The following CORIN variants were observed in gnomAD, a reference collection of about 807,000 sequenced individuals.
The protein encoded by CORIN is corin, serine peptidase.
A neutral mutation model predicts 125.3 loss-of-function variants in CORIN; 117 were observed. That is an observed-to-expected ratio of 0.93 (90% CI 0.80 to 1.09). The LOEUF is 1.09. CORIN is among the 50% of genes least tolerant of loss of function. CORIN has a pLI of 0.00. For missense variants in CORIN, 1,253 were observed against 1,306.7 expected, an observed-to-expected ratio of 0.96 and a Z score of 0.63; for synonymous variants, 450 against 466.4, an observed-to-expected ratio of 0.96 and a Z score of 0.45.
intron 4 of CORIN, among the ~76,000 whole-genome samples, chr4:47,747,343 C>A (rs1401784831): frequency 2.0e-5 from 3 of 152,026 alleles, no homozygotes; most frequent in African/African-American, 7.2e-5. Context: ...GCAATGGAAT[C>A]TCTAACTGAT....
intron 1 of CORIN, among the ~76,000 whole-genome samples, chr4:47,834,964 C>T (rs865916213): frequency 6.6e-6 from 1 of 152,156 alleles, no homozygotes; most frequent in Non-Finnish European, 1.5e-5. Context: ...CAGAGCCTTG[C>T]GGTTCTTAAG....
chr4:47,664,103 G>C (rs576571523), intron 11 of CORIN, among the ~76,000 whole-genome samples: 1 of 152,084 alleles, frequency 6.6e-6, no homozygotes, highest in Admixed American at 6.6e-5. Flanking sequence ...GTTGCTACTC[G>C]CATTTAGGCC....
intron 19 of CORIN, among the ~76,000 whole-genome samples, chr4:47,613,251 G>A (rs1325365685): frequency 3.9e-5 from 6 of 152,148 alleles, no homozygotes; most frequent in African/African-American, 1.4e-4. Context: ...TCAGGAGTAC[G>A]AGACCAGACT....
intron 2 of CORIN, among the ~76,000 whole-genome samples, chr4:47,791,665 A>G (rs1731088069): frequency 6.6e-6 from 1 of 152,224 alleles, no homozygotes; most frequent in South Asian, 2.1e-4. Flanking sequence ...AAATAGACAT[A>G]TACATATACA....
chr4:47,672,639 T>G (rs1263357424), intron 10 of CORIN, among the ~76,000 whole-genome samples: 1 of 152,114 alleles, frequency 6.6e-6, no homozygotes, highest in Non-Finnish European at 1.5e-5. Flanking sequence ...TGTGTGTATA[T>G]ATATACACAC....
intron 3 of CORIN, among the ~76,000 whole-genome samples, chr4:47,779,192 C>A (rs913029710): frequency 6.6e-5 from 10 of 152,184 alleles, no homozygotes; most frequent in Admixed American, 2.6e-4. Flanking sequence ...ATAGGTCGAG[C>A]ACAGAGGCTC....
At chr4:47,831,907 G>A (rs1733028022) in intron 1 of CORIN, among the ~76,000 whole-genome samples, 1 of 152,178 alleles carries the variant, frequency 6.6e-6, no homozygotes, top group Non-Finnish European at 1.5e-5. Context: ...CACACACCAG[G>A]AAGGCCATGG....
At chr4:47,669,476 A>G (rs757382218) in intron 10 of CORIN, among the ~76,000 whole-genome samples, 1 of 152,006 alleles carries the variant, frequency 6.6e-6, no homozygotes, top group Admixed American at 6.6e-5. Flanking sequence ...CCAGGTCAAG[A>G]AACTGAACTC....
chr4:47,804,604 C>T (rs1314353895), intron 2 of CORIN, among the ~76,000 whole-genome samples: 1 of 151,490 alleles, frequency 6.6e-6, no homozygotes, highest in African/African-American at 2.4e-5. Flanking sequence ...ATAAGTCAGA[C>T]ATAGAAAGAC....
chr4:47,642,532 T>C (rs1242994047), intron 15 of CORIN, among the ~76,000 whole-genome samples: 1 of 152,322 alleles, frequency 6.6e-6, no homozygotes, highest in Middle Eastern at 3.4e-3. Context: ...TCAGAGCACT[T>C]AGGAAACGCT....
At chr4:47,599,917 A>G (rs771729276) in intron 21 of CORIN, among the ~76,000 whole-genome samples, 3 of 152,224 alleles carry the variant, frequency 2.0e-5, no homozygotes, top group Non-Finnish European at 4.4e-5. Flanking sequence ...CCTAGCCACT[A>G]AAATGGTTGA....
At chr4:47,652,931 A>G (rs1264107862) in intron 13 of CORIN, among the ~76,000 whole-genome samples, 1 of 152,202 alleles carries the variant, frequency 6.6e-6, no homozygotes, top group Non-Finnish European at 1.5e-5. Flanking sequence ...TTAATAATAA[A>G]AATAATTCTT....
At position 47,773,757 on chromosome 4, in the gene CORIN, T is replaced by A. The variant is rs561713277; in HGVS notation, c.410-10171A>T. ...ATTTCTTTCTTTTAATAAATATACC[T>A]TTTATATTCTAATAAATATACCTTC... is the stretch of plus-strand genomic sequence containing the variant. On this transcript the variant is annotated intron_variant, in intron 3 of 21. Coordinates refer to ENST00000273857, the MANE Select transcript of CORIN (RefSeq NM_006587.4). 3.9e-5 allele frequency among the ~76,000 whole-genome samples: 6 copies of A among 152,088 alleles called. No individual in the cohort carries two copies. The Middle Eastern group carries it at 0.014, about 345-fold the overall frequency.
intron 5 of CORIN, among the ~76,000 whole-genome samples, chr4:47,721,414 T>C (rs2109797732): frequency 6.6e-6 from 1 of 152,218 alleles, no homozygotes; most frequent in South Asian, 2.1e-4. Flanking sequence ...TGATTACAGG[T>C]GTGTGTCACC....
intron 1 of CORIN, among the ~76,000 whole-genome samples, chr4:47,822,507 C>T (rs1269963315): frequency 6.6e-6 from 1 of 152,160 alleles, no homozygotes; most frequent in East Asian, 1.9e-4. Flanking sequence ...TTGGTTTTCA[C>T]GTCTCTTTAG....
At chr4:47,808,175 A>G (rs1382035031) in intron 1 of CORIN, among the ~76,000 whole-genome samples, 1 of 152,156 alleles carries the variant, frequency 6.6e-6, no homozygotes, top group Non-Finnish European at 1.5e-5. Context: ...CCATTCCAAT[A>G]TGGGGAGTGG....
chr4:47,702,844 TTG>T (rs1381375349), intron 5 of CORIN, among the ~76,000 whole-genome samples: 1 of 152,218 alleles, frequency 6.6e-6, no homozygotes, highest in Non-Finnish European at 1.5e-5. Flanking sequence ...GAAGAATGTA[TTG>T]CATCACTTTC....
At chr4:47,643,335 T>TTA in intron 14 of CORIN, 79 bp from the exon 15 acceptor site, 4 of 1,319,636 alleles carry the variant, frequency 3.0e-6, no homozygotes, top group Non-Finnish European at 4.2e-6. Context: ...TATCTTCATG[T>TTA]GCCAGCAGGA....
chr4:47,668,737 G>C (rs1351641846), intron 10 of CORIN, among the ~76,000 whole-genome samples: 17 of 152,164 alleles, frequency 1.1e-4, no homozygotes, highest in Admixed American at 3.3e-4. Context: ...TACATGTGGA[G>C]AATGTATCAC....
Sources: allele counts gnomAD v4.1 joint callset (sites outside exome capture counted in the v4.1 genomes callset), GRCh38; gene constraint gnomAD v4.1.1; transcripts MANE v1.5; gene names NCBI Gene and HGNC (gene_info 2026-07-23, HGNC 2026-07-21).